RGS9: variants seen among roughly 807,000 people sequenced by gnomAD.
RGS9 encodes regulator of G protein signaling 9, also known as regulator of G-protein signalling 9.
RGS9 carries 78 observed loss-of-function variants against 102.0 expected under a neutral mutation model. The observed-to-expected ratio is 0.76, with a 90% CI of 0.64 to 0.92. The LOEUF (loss-of-function observed/expected upper bound fraction) is 0.92. RGS9 is among the 40% of genes least tolerant of loss of function. RGS9 has a pLI of 0.00. For synonymous variants in RGS9, 353 were observed against 318.6 expected (o/e 1.11, Z -1.15); for missense variants, 833 against 866.1 (o/e 0.96, Z 0.48).
chr17:65,154,334 G>A (rs755986813), intron 2 of RGS9, among the ~76,000 whole-genome samples: 4 of 152,064 alleles, frequency 2.6e-5, no homozygotes, highest in African/African-American at 9.7e-5. Context: ...ACTATCTAGC[G>A]CTCTACAGAG....
chr17:65,166,995 G>A (rs1251183941), intron 7 of RGS9, among the ~76,000 whole-genome samples: 3 of 152,162 alleles, frequency 2.0e-5, no homozygotes, highest in African/African-American at 2.4e-5. Flanking sequence ...TGCAGAGGGC[G>A]TGTGCGTCAT....
At chr17:65,151,467 G>A (rs1910578356) in intron 1 of RGS9, among the ~76,000 whole-genome samples, 1 of 152,150 alleles carries the variant, frequency 6.6e-6, no homozygotes, top group African/African-American at 2.4e-5. Context: ...TGTCCCTGTG[G>A]CTGCCTTCCT....
chr17:65,166,595 T>C (rs534352619), intron 7 of RGS9, among the ~76,000 whole-genome samples: 33 of 152,272 alleles, frequency 2.2e-4, no homozygotes, highest in African/African-American at 7.7e-4. Flanking sequence ...CAAACTAAAG[T>C]AATTCCTAGG....
At chr17:65,155,433 A>T (rs9303480) in intron 2 of RGS9, among the ~76,000 whole-genome samples, 1 of 152,016 alleles carries the variant, frequency 6.6e-6, no homozygotes, top group Non-Finnish European at 1.5e-5. Flanking sequence ...TGAGTCACTT[A>T]TTGTCTGTCC....
chr17:65,163,817 A>C (rs1416621206), intron 7 of RGS9, among the ~76,000 whole-genome samples: 1 of 152,228 alleles, frequency 6.6e-6, no homozygotes, highest in African/African-American at 2.4e-5. Context: ...AGTTCCTTGC[A>C]GCTGCATCTG....
intron 17 of RGS9, among the ~76,000 whole-genome samples, chr17:65,211,037 G>C (rs1438207321): frequency 6.6e-6 from 1 of 152,154 alleles, no homozygotes; most frequent in Non-Finnish European, 1.5e-5. Flanking sequence ...CTCTCACTGA[G>C]AGAGAGCTTT....
rs570957320 is a variant in RGS9, at chr17:65,189,298, G to T, written c.667G>T (p.Val223Phe). 1 of 1,612,392 alleles carries T rather than the reference G, an allele frequency of 6.2e-7. No homozygotes were observed. The highest frequency in any genetic ancestry group is 2.2e-5 in the East Asian group (1 of 44,868). Residue 223 changes from valine (V) to phenylalanine (F), a missense_variant, in exon 10 of 19, where the codon GTT (valine) becomes TTT (phenylalanine). Around this residue, in one of 3 missense-constraint regions of RGS9, gnomAD observed 328 missense variants for 340.6 expected, o/e 0.96. Transcript: ENST00000262406. ...EVKVNQKQTV[V>F]AVKKEIMYYQ... ...CTTTGTCTTACAGAAACAAACAGTC[G>T]TTGCTGTCAAAAAAGAGGTAATTAG...
chr17:65,201,846 G>GC (rs1288364096), intron 13 of RGS9, 147 bp from the exon 14 acceptor site: 4 of 660,180 alleles, frequency 6.1e-6, no homozygotes, highest in Admixed American at 4.1e-5. Flanking sequence ...ATCACAATGT[G>GC]CAATAGCTTG....
chr17:65,194,315 G>T (rs1205402324), intron 12 of RGS9, among the ~76,000 whole-genome samples: 3 of 152,164 alleles, frequency 2.0e-5, no homozygotes. Context: ...TGGACATTTG[G>T]GTGGTTTCTG....
intron 11 of RGS9, among the ~76,000 whole-genome samples, chr17:65,191,376 TTTG>T (rs1026103059): frequency 6.6e-6 from 1 of 152,012 alleles, no homozygotes; most frequent in Non-Finnish European, 1.5e-5. Flanking sequence ...AGTTTTTTTT[TTTG>T]TTGTTGTTGT....
At chr17:65,201,860 T>C (rs1372631896) in intron 13 of RGS9, 133 bp from the exon 14 acceptor site, 1 of 688,286 alleles carries the variant, frequency 1.5e-6, no homozygotes, top group East Asian at 2.9e-5. Context: ...TAGCTTGTTC[T>C]GCGGCAGGAA....
intron 1 of RGS9, among the ~76,000 whole-genome samples, chr17:65,146,759 G>A (rs540044859): frequency 1.4e-4 from 21 of 151,992 alleles, no homozygotes; most frequent in Non-Finnish European, 2.2e-4. Flanking sequence ...GCGTAGTGGC[G>A]CGCGCCTGTA....
At chr17:65,153,866 G>A (rs989447464) in intron 2 of RGS9, among the ~76,000 whole-genome samples, 1 of 152,154 alleles carries the variant, frequency 6.6e-6, no homozygotes, top group African/African-American at 2.4e-5. Context: ...CTCCAGCCTG[G>A]GCGACAGAGC....
intron 12 of RGS9, among the ~76,000 whole-genome samples, chr17:65,194,675 C>T (rs370024811): frequency 3.9e-5 from 6 of 151,984 alleles, no homozygotes; most frequent in South Asian, 2.1e-4. Flanking sequence ...AGGAGAGTTC[C>T]GGCACACAGA....
intron 7 of RGS9, among the ~76,000 whole-genome samples, chr17:65,164,448 G>GGTGATTACCAAAA (rs1911099128): frequency 6.6e-6 from 1 of 152,130 alleles, no homozygotes; most frequent in East Asian, 1.9e-4. Context: ...CTGGTGACCC[G>GGTGATTACCAAAA]CACCAGTGAT....
At chr17:65,167,729 C>T (rs748985514) in intron 7 of RGS9, among the ~76,000 whole-genome samples, 6 of 152,146 alleles carry the variant, frequency 3.9e-5, no homozygotes, top group African/African-American at 9.7e-5. Context: ...AATGTCGACC[C>T]GGAAGTTCAC....
intron 12 of RGS9, among the ~76,000 whole-genome samples, chr17:65,195,537 C>A (rs1209861187): frequency 6.6e-6 from 1 of 151,982 alleles, no homozygotes; most frequent in Non-Finnish European, 1.5e-5. Flanking sequence ...GTACACTGAA[C>A]CCCGTTTTTA....
At chr17:65,225,615 A>G (rs1905630954) in intron 18 of RGS9, 129 bp downstream of exon 18, 4 of 1,355,686 alleles carry the variant, frequency 3.0e-6, no homozygotes, top group Non-Finnish European at 4.1e-6. Flanking sequence ...CAGCCCACTC[A>G]GATCCCTTGG....
intron 9 of RGS9, among the ~76,000 whole-genome samples, chr17:65,181,054 G>T (rs922999011): frequency 6.6e-6 from 1 of 152,112 alleles, no homozygotes; most frequent in South Asian, 2.1e-4. Flanking sequence ...ACCAATGATG[G>T]GCATTTAGGT....
Sources: gnomAD v4.1 joint callset for allele counts (sites outside exome capture counted in the v4.1 genomes callset) on GRCh38, gnomAD v4.1.1 for gene constraint, gnomAD v4.1.1 regional missense constraint, MANE v1.5 for transcripts, NCBI Gene and HGNC (gene_info 2026-07-23, HGNC 2026-07-21) for gene names.